COPB1: variants seen among roughly 807,000 people sequenced by gnomAD.
COPB1 encodes coat protein complex I subunit beta 1, also known as coatomer subunit beta.
COPB1 carries 21 observed loss-of-function variants against 108.7 expected under a neutral mutation model. That is an observed-to-expected ratio of 0.19 (90% CI 0.14 to 0.28). COPB1 has a LOEUF of 0.28. Among genes scored for constraint, COPB1 ranks in the 10% least tolerant of loss-of-function variants. The probability of loss-of-function intolerance (pLI) is 1.00; values close to 1 mark genes in which losing one functional copy is unlikely to be tolerated. For missense variants in COPB1, 919 were observed against 1,141.3 expected, an observed-to-expected ratio of 0.81 and a Z score of 2.81; for synonymous variants, 378 against 386.8, an observed-to-expected ratio of 0.98 and a Z score of 0.27.
At chr11:14,477,058 T>C (rs1396434551) in intron 11 of COPB1, 43 bp from the exon 12 acceptor site, 1 of 1,278,264 alleles carries the variant, frequency 7.8e-7, no homozygotes, top group Admixed American at 1.7e-5. Context: ...GGCAGACAAA[T>C]CTTGAAGCAG....
chr11:14,475,639 AC>A, intron 13 of COPB1, 145 bp downstream of exon 13: 1 of 684,890 alleles, frequency 1.5e-6, no homozygotes, highest in South Asian at 4.7e-5. Context: ...AAGAACTTAA[AC>A]ATCCTCCGCT....
intron 16 of COPB1, among the ~76,000 whole-genome samples, 170 bp downstream of exon 16, chr11:14,468,511 T>G (rs971164550): frequency 6.6e-6 from 1 of 152,206 alleles, no homozygotes; most frequent in Non-Finnish European, 1.5e-5. Context: ...TACAGTACTA[T>G]CACATATAGT....
At position 14,490,542 on chromosome 11, in the gene COPB1, G is replaced by C. The variant is rs188362592; in HGVS notation, c.606+23C>G. 2,148 of 1,338,324 alleles carry C rather than the reference G, an allele frequency of 1.6e-3. 9 individuals are homozygous for C. Among genetic ancestry groups the C allele is most frequent in the Non-Finnish European group, 1.8e-3 (1,700 of 942,742 alleles). 82.9% of individuals were successfully genotyped at this position (1,338,324 alleles called of 1,614,324 possible). A position where few individuals can be genotyped will look rare whatever the true frequency, so the allele number is the denominator to read the frequency against. ...TTGTCACTTAAATACAGTAATAAGAGTATTTTTTAAAAAGTACCTCACCTG... is the reference window on the plus strand; with the variant it reads ...TTGTCACTTAAATACAGTAATAAGACTATTTTTTAAAAAGTACCTCACCTG... On this transcript the variant is annotated intron_variant, in intron 5 of 21. Transcript: ENST00000439561.
At chr11:14,494,656 T>C (rs1589970053) in intron 2 of COPB1, 1 of 437,744 alleles carries the variant, frequency 2.3e-6, no homozygotes, top group Non-Finnish European at 4.1e-6. Flanking sequence ...TCAGACTCTT[T>C]ATATATAATA....
At chr11:14,495,450 C>A (rs1421062515) in intron 2 of COPB1, among the ~76,000 whole-genome samples, 2 of 152,202 alleles carry the variant, frequency 1.3e-5, no homozygotes, top group African/African-American at 4.8e-5. Flanking sequence ...TAGAGCTAAG[C>A]GGCTATGAAA....
intron 17 of COPB1, among the ~76,000 whole-genome samples, chr11:14,465,375 T>C (rs1236818242): frequency 1.3e-5 from 2 of 152,128 alleles, no homozygotes; most frequent in Non-Finnish European, 2.9e-5. Context: ...CTTTGTTACC[T>C]AGGCTGGAGT....
intron 20 of COPB1, 64 bp from the exon 21 acceptor site, chr11:14,458,751 C>T (rs1850080745): frequency 5.6e-6 from 8 of 1,423,366 alleles, no homozygotes; most frequent in Non-Finnish European, 7.6e-6. Context: ...AAAAACCAAA[C>T]AGCATAGGTG....
chr11:14,497,735 G>A (rs1346374303), intron 2 of COPB1, among the ~76,000 whole-genome samples: 1 of 152,132 alleles, frequency 6.6e-6, no homozygotes, highest in East Asian at 1.9e-4. Context: ...AGAGATATCT[G>A]GACTCCTATG....
chr11:14,462,396 C>T (rs1468141034), intron 18 of COPB1, among the ~76,000 whole-genome samples: 1 of 152,060 alleles, frequency 6.6e-6, no homozygotes, highest in Non-Finnish European at 1.5e-5. Context: ...CCGCGCCTGG[C>T]TAATTTTTTG....
At chr11:14,491,006 G>C (rs1269911226) in intron 4 of COPB1, among the ~76,000 whole-genome samples, 3 of 151,930 alleles carry the variant, frequency 2.0e-5, no homozygotes, top group African/African-American at 7.3e-5. Context: ...GGCCAGGCTG[G>C]TCTTGAACTC....
At chr11:14,478,484 T>G (rs545867586) in intron 11 of COPB1, among the ~76,000 whole-genome samples, 8 of 147,678 alleles carry the variant, frequency 5.4e-5, no homozygotes, top group African/African-American at 1.9e-4. Context: ...ATTATTTTAA[T>G]GTAAAAAGTA....
chr11:14,465,613 A>G (rs988050606), intron 17 of COPB1, among the ~76,000 whole-genome samples: 1 of 152,214 alleles, frequency 6.6e-6, no homozygotes, highest in African/African-American at 2.4e-5. Context: ...AGATAAAACA[A>G]TCTGCATAAA....
chr11:14,483,059 C>T lies in COPB1; in HGVS notation c.930G>A (p.Glu310=), dbSNP rs767336838. 19 of 1,575,032 alleles carry T rather than the reference C, an allele frequency of 1.2e-5. No individual in the cohort carries two copies. Among genetic ancestry groups the T allele is most frequent in the Non-Finnish European group, 1.7e-5 (19 of 1,151,100 alleles). The change falls in exon 8 of 22, where the codon GAG becomes GAA. Residue 310 remains glutamate (E), a synonymous_variant. Coordinates refer to ENST00000439561, the MANE Select transcript of COPB1 (RefSeq NM_001144061.2). ...IVLDRLIELK[E]HPAHERVLQD... ...GTAGTACTCGTTCATGAGCAGGATG[C>T]TCTTTTAATTCTATCAAGCGATCCA...
intron 2 of COPB1, among the ~76,000 whole-genome samples, chr11:14,496,684 G>GAA (rs35125378): frequency 7.0e-6 from 1 of 143,758 alleles, no homozygotes; most frequent in African/African-American, 2.6e-5. Flanking sequence ...ATTCTTCACA[G>GAA]AAAAAAAAAA....
intron 2 of COPB1, among the ~76,000 whole-genome samples, chr11:14,498,216 C>T (rs138918793): frequency 6.6e-6 from 1 of 152,210 alleles, no homozygotes; most frequent in African/African-American, 2.4e-5. Flanking sequence ...GGGATGGATA[C>T]TCCATTTTTC....
intron 16 of COPB1, among the ~76,000 whole-genome samples, chr11:14,467,120 A>C (rs1850298925): frequency 6.6e-6 from 1 of 152,186 alleles, no homozygotes; most frequent in Non-Finnish European, 1.5e-5. Flanking sequence ...GAATGGAAGA[A>C]AATATTTGCA....
rs761509148 is a variant in COPB1 at position 14,477,022 on chromosome 11, C to A, written c.1359-7G>T. The A allele has an allele frequency of 5.2e-6, 8 of 1,546,238 alleles. No individual in the cohort carries two copies. In the East Asian group the frequency reaches 1.3e-4, roughly 26 times the overall value. On this transcript the variant is annotated splice_region_variant and splice_polypyrimidine_tract_variant and intron_variant, in intron 11 of 21. Transcript: ENST00000439561. ...TAATGCTCCTCGGTAAATCCTAGCA[C>A]AATACAAGATCTGAAACATGAACTT...
chr11:14,488,802 G>A (rs2575858), intron 5 of COPB1, among the ~76,000 whole-genome samples: 22,592 of 152,014 alleles, frequency 0.15, 2,090 homozygotes, highest in African/African-American at 0.27. Context: ...CAAACCTGGG[G>A]TCTGATTTTC....
In COPB1 at chr11:14,461,370, G is replaced by A. The variant is rs147949905; in HGVS notation, c.2411-39C>T. The A allele has an allele frequency of 8.1e-4, 1,293 of 1,598,510 alleles. 9 individuals are homozygous for A. The African/African-American group carries it at 0.013, about 16-fold the overall frequency. On this transcript the variant is annotated intron_variant, in intron 18 of 21. Transcript: ENST00000439561. ...TACAAAAAGATTCGCAATCACTGGG[G>A]CAAACTTGAATTTAAAAAATCTTAA...
Sources: gnomAD v4.1 joint callset for allele counts (sites outside exome capture counted in the v4.1 genomes callset) on GRCh38, gnomAD v4.1.1 for gene constraint, MANE v1.5 for transcripts, NCBI Gene and HGNC (gene_info 2026-07-23, HGNC 2026-07-21) for gene names.